The following C1orf21 variants were observed in gnomAD, a reference collection of about 807,000 sequenced individuals.
C1orf21 encodes the protein uncharacterized protein C1orf21.
A neutral mutation model predicts 18.7 loss-of-function variants in C1orf21; 3 were observed. The observed-to-expected ratio is 0.16, with a 90% confidence interval of 0.07 to 0.42. The LOEUF is 0.42. Ranked by LOEUF, C1orf21 falls within the 10% of genes least tolerant of loss-of-function variation. The probability of loss-of-function intolerance (pLI) is 0.99; values close to 1 mark genes in which losing one functional copy is unlikely to be tolerated. For missense variants in C1orf21, 104 were observed against 143.6 expected (o/e 0.72, Z 1.41); for synonymous variants, 41 against 46.4 (o/e 0.88, Z 0.47).
At chr1:184,433,587 AG>A (rs1656809033) in intron 1 of C1orf21, among the ~76,000 whole-genome samples, 2 of 152,330 alleles carry the variant, frequency 1.3e-5, no homozygotes, top group South Asian at 4.1e-4. Flanking sequence ...ATGTAAAGCA[AG>A]CCACATATGT....
At chr1:184,558,182 G>A (rs1232378037) in intron 3 of C1orf21, among the ~76,000 whole-genome samples, 2 of 152,150 alleles carry the variant, frequency 1.3e-5, no homozygotes, top group Non-Finnish European at 2.9e-5. Context: ...CAGTACAGTA[G>A]AAGTCACCTT....
chr1:184,460,776 G>T (rs1239325508), intron 1 of C1orf21, among the ~76,000 whole-genome samples: 2 of 147,420 alleles, frequency 1.4e-5, no homozygotes, highest in African/African-American at 5.1e-5. Flanking sequence ...CAAACTCCTG[G>T]GTTCAATCAG....
Position 184,390,620 on chromosome 1 carries a change from C to T in C1orf21, c.-125+3252C>T, listed in dbSNP as rs184871124. On this transcript the variant is annotated intron_variant, in intron 1 of 5. Coordinates refer to ENST00000235307, the MANE Select transcript of C1orf21 (RefSeq NM_030806.4). ...TGGAAATGGATATAGTGAAGCCTCC[C>T]TCCCAAGGTGAGGGAAGGGTTACAT... 1.5e-3 allele frequency among the ~76,000 whole-genome samples: 227 copies of T among 152,214 alleles called. 2 individuals are homozygous for T. The highest frequency in any genetic ancestry group is 6.8e-3 in the Middle Eastern group (2 of 292).
At chr1:184,498,059 C>T (rs1293393299) in intron 2 of C1orf21, among the ~76,000 whole-genome samples, 1 of 152,092 alleles carries the variant, frequency 6.6e-6, no homozygotes, top group Non-Finnish European at 1.5e-5. Flanking sequence ...TATTCTATGC[C>T]GCTCATTAGC....
Position 184,559,505 on chromosome 1 carries a change from C to T in C1orf21, c.190-31234C>T, listed in dbSNP as rs1253024563. The stretch of plus-strand genomic sequence containing the variant: ...TTCCTTCCTTCCTTCCTTCCTTCCC[C>T]CCTTCCTTCCTTCCTTCCTTCCTTC... On this transcript the variant is annotated intron_variant, in intron 3 of 5. Coordinates refer to ENST00000235307, the MANE Select transcript of C1orf21 (RefSeq NM_030806.4). Among the ~76,000 whole-genome samples, 166 of 47,860 alleles carry T rather than the reference C, an allele frequency of 3.5e-3. 4 individuals are homozygous for T. The highest frequency in any genetic ancestry group is 9.6e-3 in the African/African-American group (105 of 10,980). The allele number at this position is 47,860 out of a possible 152,430, so 31.4% of individuals were successfully genotyped here. A position where few individuals can be genotyped will look rare whatever the true frequency, so the allele number is the denominator to read the frequency against.
At chr1:184,430,326 G>T (rs1408343729) in intron 1 of C1orf21, among the ~76,000 whole-genome samples, 1 of 152,088 alleles carries the variant, frequency 6.6e-6, no homozygotes, top group Non-Finnish European at 1.5e-5. Flanking sequence ...ATGTGCCAGT[G>T]ACTGTCCTCC....
chr1:184,618,239 C>T (rs896421295), intron 5 of C1orf21, among the ~76,000 whole-genome samples: 20 of 152,262 alleles, frequency 1.3e-4, no homozygotes, highest in East Asian at 3.9e-4. Flanking sequence ...CAAACACACA[C>T]GGGCATGGGC....
chr1:184,484,085 G>A (rs1004459900), intron 2 of C1orf21, among the ~76,000 whole-genome samples: 25 of 151,970 alleles, frequency 1.6e-4, no homozygotes, highest in African/African-American at 4.8e-4. Context: ...CACCGCGCCC[G>A]GCTAATTTTT....
chr1:184,564,909 C>T (rs1163305528), intron 3 of C1orf21, among the ~76,000 whole-genome samples: 2 of 152,174 alleles, frequency 1.3e-5, no homozygotes, highest in Non-Finnish European at 2.9e-5. Flanking sequence ...CACCTGTTTT[C>T]GTTCTGCTAC....
chr1:184,468,011 T>TGTGAGA (rs4011656), intron 1 of C1orf21, among the ~76,000 whole-genome samples: 9,802 of 137,422 alleles, frequency 0.071, 371 homozygotes, highest in Non-Finnish European at 0.086. Flanking sequence ...TGTGTGTGTG[T>TGTGAGA]GAGAGAGAGA....
intron 1 of C1orf21, among the ~76,000 whole-genome samples, chr1:184,466,406 T>A (rs937427120): frequency 1.5e-4 from 23 of 152,224 alleles, no homozygotes; most frequent in African/African-American, 5.5e-4. Flanking sequence ...TGACTTTGCA[T>A]TGCCCTCCTG....
intron 3 of C1orf21, chr1:184,567,056 CA>C (rs1260089526): frequency 2.0e-6 from 1 of 497,696 alleles, no homozygotes; most frequent in Non-Finnish European, 4.0e-6. Flanking sequence ...ACAGTCTAAC[CA>C]TCTGAAAAAC....
chr1:184,457,728 C>T (rs1429218115), intron 1 of C1orf21, among the ~76,000 whole-genome samples: 1 of 152,074 alleles, frequency 6.6e-6, no homozygotes, highest in East Asian at 1.9e-4. Context: ...GTCTGGTTTG[C>T]TATGGGCTGT....
Position 184,590,739 on chromosome 1 carries a change from G to GA in C1orf21, c.196dup (p.Ser66LysfsTer9). The GA allele has an allele frequency of 1.2e-6, 2 of 1,613,338 alleles. No homozygotes were observed. The highest frequency in any genetic ancestry group is 1.7e-6 in the Non-Finnish European group (2 of 1,179,398). On this transcript the variant is annotated frameshift_variant and splice_region_variant, in exon 4 of 6. Coordinates refer to ENST00000235307, the MANE Select transcript of C1orf21 (RefSeq NM_030806.4). LOFTEE classifies it high-confidence loss of function. ...ACATGTCTGTGTTTATGTGTTTCAGGAAAAAAGTGCCAGCTCAAATGTAAG... is the reference window on the plus strand; with the variant it reads ...ACATGTCTGTGTTTATGTGTTTCAGGAAAAAAAGTGCCAGCTCAAATGTAAG...
intron 3 of C1orf21, among the ~76,000 whole-genome samples, chr1:184,519,396 T>C (rs1658274378): frequency 6.6e-6 from 1 of 152,216 alleles, no homozygotes; most frequent in Admixed American, 6.5e-5. Flanking sequence ...GACCCTGATA[T>C]TTAAGTAGAA....
intron 1 of C1orf21, among the ~76,000 whole-genome samples, chr1:184,475,881 G>A (rs1657564511): frequency 6.6e-6 from 1 of 151,942 alleles, no homozygotes; most frequent in Non-Finnish European, 1.5e-5. Context: ...CCATCTAGGA[G>A]AAAATCTTCC....
intron 1 of C1orf21, among the ~76,000 whole-genome samples, chr1:184,391,546 A>G (rs1468036384): frequency 6.6e-6 from 1 of 152,188 alleles, no homozygotes; most frequent in African/African-American, 2.4e-5. Flanking sequence ...ATGTGTCAAA[A>G]TTTCCTTGGA....
At chr1:184,495,223 A>G (rs1305005435) in intron 2 of C1orf21, among the ~76,000 whole-genome samples, 2 of 151,978 alleles carry the variant, frequency 1.3e-5, no homozygotes, top group Non-Finnish European at 2.9e-5. Context: ...TTCCCCCCGC[A>G]ACATAGACTC....
intron 5 of C1orf21, among the ~76,000 whole-genome samples, chr1:184,617,976 C>A (rs1659856323): frequency 1.5e-5 from 2 of 134,604 alleles, no homozygotes; most frequent in Admixed American, 1.7e-4. Context: ...ATGGTGCGAT[C>A]TTGGCTCACT....
Sources: gnomAD v4.1 joint callset for allele counts (sites outside exome capture counted in the v4.1 genomes callset) on GRCh38, gnomAD v4.1.1 for gene constraint, MANE v1.5 for transcripts, NCBI Gene and HGNC (gene_info 2026-07-23, HGNC 2026-07-21) for gene names.